Variants in TAFA2 observed in about 807,000 individuals in gnomAD.
The protein encoded by TAFA2 is chemokine-like protein TAFA-2.
In TAFA2, 7 loss-of-function variants were observed where a neutral mutation model predicts 18.8. The ratio of observed to expected loss-of-function variants is 0.37; its 90% CI spans 0.21 to 0.70. The LOEUF is 0.70. Among genes scored for constraint, TAFA2 ranks in the 30% least tolerant of loss-of-function variants. TAFA2 has a pLI of 0.53. For missense variants in TAFA2, 122 were observed against 158.1 expected, an observed-to-expected ratio of 0.77 and a Z score of 1.23; for synonymous variants, 60 against 54.2, an observed-to-expected ratio of 1.11 and a Z score of -0.47.
chr12:62,255,853 T>C (rs1470854468), intron 1 of TAFA2, among the ~76,000 whole-genome samples: 1 of 151,784 alleles, frequency 6.6e-6, no homozygotes, highest in Non-Finnish European at 1.5e-5. Flanking sequence ...TGAGACTCTG[T>C]CTCAAATAAA....
intron 1 of TAFA2, among the ~76,000 whole-genome samples, chr12:62,111,237 G>A (rs145368015): frequency 0.027 from 4,126 of 152,042 alleles, 184 homozygotes; most frequent in African/African-American, 0.092. Context: ...CCTTAATTTT[G>A]TTATTTACCC....
At chr12:62,124,549 C>T (rs998117678) in intron 1 of TAFA2, among the ~76,000 whole-genome samples, 1 of 152,030 alleles carries the variant, frequency 6.6e-6, no homozygotes, top group Non-Finnish European at 1.5e-5. Context: ...TGTTATCTCT[C>T]ATTGAATTGA....
At chr12:61,743,900 C>T (rs563698981) in intron 4 of TAFA2, among the ~76,000 whole-genome samples, 2 of 152,078 alleles carry the variant, frequency 1.3e-5, no homozygotes, top group South Asian at 4.1e-4. Flanking sequence ...AGGTTTGCCA[C>T]TCACAGTAGA....
intron 1 of TAFA2, among the ~76,000 whole-genome samples, chr12:62,024,280 T>C (rs909368213): frequency 6.6e-6 from 1 of 152,176 alleles, no homozygotes; most frequent in Non-Finnish European, 1.5e-5. Flanking sequence ...AACCTGACTG[T>C]AGTATATTAA....
chr12:62,146,105 T>C (rs1161818527), intron 1 of TAFA2, among the ~76,000 whole-genome samples: 1 of 152,086 alleles, frequency 6.6e-6, no homozygotes, highest in Non-Finnish European at 1.5e-5. Flanking sequence ...AAATCTAACA[T>C]CTATCCTGGA....
chr12:61,790,669 A>T (rs1210725284), intron 2 of TAFA2, among the ~76,000 whole-genome samples: 4 of 151,826 alleles, frequency 2.6e-5, no homozygotes, highest in East Asian at 3.9e-4. Flanking sequence ...GAGGTGAAAG[A>T]TCTCTACACT....
chr12:61,894,029 A>G (rs1296913969), intron 1 of TAFA2, among the ~76,000 whole-genome samples: 18 of 152,180 alleles, frequency 1.2e-4, no homozygotes, highest in Admixed American at 1.2e-3. Flanking sequence ...TAAACAAACT[A>G]TCATGTGGTT....
intron 1 of TAFA2, among the ~76,000 whole-genome samples, chr12:61,972,912 A>G (rs1354365291): frequency 6.6e-6 from 1 of 151,566 alleles, no homozygotes; most frequent in Non-Finnish European, 1.5e-5. Flanking sequence ...CACCACAAAA[A>G]CTGGTGATCT....
chr12:61,993,719 G>A (rs940206259), intron 1 of TAFA2, among the ~76,000 whole-genome samples: 9 of 152,006 alleles, frequency 5.9e-5, no homozygotes, highest in Non-Finnish European at 1.2e-4. Flanking sequence ...GTGTAAATTG[G>A]GGACTCTTCA....
intron 2 of TAFA2, among the ~76,000 whole-genome samples, chr12:61,799,351 T>G (rs1270262203): frequency 1.3e-5 from 2 of 152,184 alleles, no homozygotes; most frequent in African/African-American, 4.8e-5. Context: ...TTCTTAAGCA[T>G]CTTGATCCTA....
At chr12:62,175,488 T>C (rs1364095389) in intron 1 of TAFA2, among the ~76,000 whole-genome samples, 1 of 152,170 alleles carries the variant, frequency 6.6e-6, no homozygotes, top group Non-Finnish European at 1.5e-5. Flanking sequence ...ATTGCTCTGA[T>C]TATATTATCA....
At chr12:61,712,743 T>C (rs944011744) in intron 4 of TAFA2, among the ~76,000 whole-genome samples, 9 of 152,146 alleles carry the variant, frequency 5.9e-5, no homozygotes, top group Admixed American at 1.3e-4. Flanking sequence ...TATCCTAGCA[T>C]ATGAGATGAA....
chr12:61,886,040 T>C (rs1875361778), intron 1 of TAFA2, among the ~76,000 whole-genome samples: 1 of 152,174 alleles, frequency 6.6e-6, no homozygotes, highest in Non-Finnish European at 1.5e-5. Context: ...ACTCTGGAAA[T>C]AATCCCCATA....
rs1279132224 is a variant in TAFA2 at position 61,929,719 on chromosome 12, G to A, written c.-1-62293C>T. ...ACACATGCACATGTATGTTTATTGC[G>A]GCACTATTCACAATAGCAAAGACTT... On this transcript the variant is annotated intron_variant, in intron 1 of 4. Coordinates refer to ENST00000416284, the MANE Select transcript of TAFA2 (RefSeq NM_178539.5). Among the ~76,000 whole-genome samples, 50 of 151,846 alleles carry A rather than the reference G, an allele frequency of 3.3e-4. No individual in the cohort carries two copies. In the South Asian group the frequency reaches 8.1e-3, roughly 25 times the overall value.
At chr12:61,925,546 A>G (rs908034686) in intron 1 of TAFA2, among the ~76,000 whole-genome samples, 7 of 152,224 alleles carry the variant, frequency 4.6e-5, no homozygotes, top group Non-Finnish European at 7.3e-5. Flanking sequence ...ATTGAGAACA[A>G]AGACACAATG....
At chr12:62,025,168 A>G (rs190992754) in intron 1 of TAFA2, among the ~76,000 whole-genome samples, 4 of 152,296 alleles carry the variant, frequency 2.6e-5, no homozygotes, top group African/African-American at 7.2e-5. Flanking sequence ...TCATATGTTC[A>G]TGCATGTTTT....
intron 2 of TAFA2, among the ~76,000 whole-genome samples, chr12:61,786,100 A>C (rs1302007200): frequency 6.6e-6 from 1 of 151,598 alleles, no homozygotes; most frequent in Admixed American, 6.6e-5. Context: ...ATCCAATCAA[A>C]GGGAAAGAAA....
chr12:62,244,509 C>G (rs1430008708), intron 1 of TAFA2, among the ~76,000 whole-genome samples: 2 of 152,086 alleles, frequency 1.3e-5, no homozygotes, highest in Non-Finnish European at 2.9e-5. Flanking sequence ...TTCCATTTTG[C>G]CAGAATAAAT....
chr12:61,854,642 C>T (rs1028538735), intron 2 of TAFA2, among the ~76,000 whole-genome samples: 16 of 151,956 alleles, frequency 1.1e-4, no homozygotes, highest in African/African-American at 3.9e-4. Context: ...TCATCTTAGA[C>T]TTTTATAGCA....
Sources: gnomAD v4.1 joint callset for allele counts (sites outside exome capture counted in the v4.1 genomes callset) on GRCh38, gnomAD v4.1.1 for gene constraint, MANE v1.5 for transcripts, NCBI Gene and HGNC (gene_info 2026-07-23, HGNC 2026-07-21) for gene names.